The following MLKL variants were observed in gnomAD, a reference collection of about 807,000 sequenced individuals.
MLKL encodes the protein mixed lineage kinase domain-like protein.
In MLKL, 55 loss-of-function variants were observed where a neutral mutation model predicts 56.5. The observed-to-expected ratio is 0.97, with a 90% CI of 0.78 to 1.22. MLKL has a LOEUF of 1.22. MLKL is among the 50% of genes most tolerant of loss of function. The probability of loss-of-function intolerance (pLI) is 0.00; values close to 1 mark genes in which losing one functional copy is unlikely to be tolerated. For missense variants in MLKL, 694 were observed against 573.9 expected, an observed-to-expected ratio of 1.21 and a Z score of -2.14; for synonymous variants, 251 against 208.3, an observed-to-expected ratio of 1.20 and a Z score of -1.76.
rs369938423 is a variant in MLKL, at chr16:74,685,464, C to T, written c.820+22G>A. The T allele has an allele frequency of 1.9e-6, 3 of 1,590,262 alleles. No homozygotes were observed. In the African/African-American group the frequency reaches 4.0e-5, roughly 21 times the overall value. Reference sequence around the variant, plus strand: ...TGTTCTAGGCCATCCAAAGCTTGACCAATCCTAGAAGCATTCCTTACCTGT... The same window carrying T: ...TGTTCTAGGCCATCCAAAGCTTGACTAATCCTAGAAGCATTCCTTACCTGT... On this transcript the variant is annotated intron_variant, in intron 5 of 10. Coordinates refer to ENST00000308807, the MANE Select transcript of MLKL (RefSeq NM_152649.4).
At chr16:74,676,337 A>G (rs1024202513) in intron 7 of MLKL, 13 of 985,750 alleles carry the variant, frequency 1.3e-5, no homozygotes, top group Non-Finnish European at 1.6e-5. Context: ...CAATCATGAC[A>G]GCATATGTTC....
intron 5 of MLKL, 70 bp downstream of exon 5, chr16:74,685,416 A>C: frequency 9.0e-7 from 1 of 1,111,048 alleles, no homozygotes; most frequent in Non-Finnish European, 1.4e-6. Flanking sequence ...AAAAAAATGC[A>C]ACACATTAAA....
At chr16:74,686,629 A>C (rs765946826) in intron 4 of MLKL, among the ~76,000 whole-genome samples, 12 of 152,176 alleles carry the variant, frequency 7.9e-5, no homozygotes, top group Non-Finnish European at 1.2e-4. Flanking sequence ...TCTTATAACC[A>C]AAATTCCTTC....
At chr16:74,674,119 G>A (rs1959421521) in intron 10 of MLKL, among the ~76,000 whole-genome samples, 2 of 151,952 alleles carry the variant, frequency 1.3e-5, no homozygotes, top group Non-Finnish European at 2.9e-5. Flanking sequence ...TTTGTGTGGT[G>A]GGCTGTCCTA....
Position 74,672,372 on chromosome 16 carries a change from G to GT in MLKL, c.*131dup. ...GTATGACTGGAATCGTTTTCTATTT[G>GT]TAACAGAGAAGCGTGCCCACTCCTT... On this transcript the variant is annotated 3_prime_UTR_variant, in exon 11 of 11. Coordinates refer to ENST00000308807, the MANE Select transcript of MLKL (RefSeq NM_152649.4). 2 of 776,096 alleles carry GT rather than the reference G, an allele frequency of 2.6e-6. No individual in the cohort carries two copies. The highest frequency in any genetic ancestry group is 4.3e-6 in the Non-Finnish European group (2 of 460,542). 48.1% of individuals were successfully genotyped at this position (776,096 alleles called of 1,614,324 possible).
At chr16:74,700,256 G>A (rs748624636) in intron 1 of MLKL, among the ~76,000 whole-genome samples, 197 bp downstream of exon 1, 15 of 152,022 alleles carry the variant, frequency 9.9e-5, no homozygotes, top group Non-Finnish European at 1.8e-4. Flanking sequence ...GCTACTGGGC[G>A]TCTCGCTTTG....
intron 1 of MLKL, among the ~76,000 whole-genome samples, chr16:74,698,167 T>C (rs1396016969): frequency 6.6e-6 from 1 of 152,102 alleles, no homozygotes; most frequent in Non-Finnish European, 1.5e-5. Flanking sequence ...ATTGTGCCAC[T>C]GACTCCATTC....
In MLKL at chr16:74,674,999, A is replaced by C. The variant is rs1959495613; in HGVS notation, c.1342T>G (p.Cys448Gly). Residue 448 changes from cysteine (C) to glycine (G), a missense_variant, in exon 10 of 11, where the codon TGC (cysteine) becomes GGC (glycine). Physicochemically the swap from Cys to Gly is radical, Grantham distance 159. Transcript: ENST00000308807. The stretch of plus-strand genomic sequence containing the variant: ...CGCACAGAGGGATCATGGGCCCGGC[A>C]CTCATCAATGATCTCCCGCAGCTCT... ...PSELREIIDE[C>G]RAHDPSVRPS... 6.2e-7 allele frequency: 1 copy of C among 1,614,016 alleles called. No homozygotes were observed. The highest frequency in any genetic ancestry group is 8.5e-7 in the Non-Finnish European group (1 of 1,180,032).
At chr16:74,695,212 T>C in intron 2 of MLKL, 86 bp downstream of exon 2, 1 of 1,391,194 alleles carries the variant, frequency 7.2e-7, no homozygotes, top group Non-Finnish European at 9.9e-7. Context: ...TGCTCAAACT[T>C]CATCATTGCT....
chr16:74,686,354 A>G (rs964007432), intron 4 of MLKL, among the ~76,000 whole-genome samples: 1 of 152,202 alleles, frequency 6.6e-6, no homozygotes, highest in Non-Finnish European at 1.5e-5. Context: ...AGGCCGAGGC[A>G]GGTGGATCAC....
At chr16:74,691,639 G>A (rs1233492704) in intron 3 of MLKL, among the ~76,000 whole-genome samples, 176 bp from the exon 4 acceptor site, 1 of 152,184 alleles carries the variant, frequency 6.6e-6, no homozygotes, top group Non-Finnish European at 1.5e-5. Flanking sequence ...CCGTGCCTCT[G>A]AGTGACCAGT....
At position 74,700,593 on chromosome 16, in the gene MLKL, GC is replaced by G. The variant is rs1215254919; in HGVS notation, c.-144del. The G allele has an allele frequency of 6.6e-6, 1 of 152,646 alleles. No individual in the cohort carries two copies. Among genetic ancestry groups the G allele is most frequent in the Non-Finnish European group, 1.5e-5 (1 of 68,406 alleles). 9.5% of individuals were successfully genotyped at this position (152,646 alleles called of 1,614,324 possible). On this transcript the variant is annotated 5_prime_UTR_variant, in exon 1 of 11. Coordinates refer to ENST00000308807, the MANE Select transcript of MLKL (RefSeq NM_152649.4). ...GCGAGGCCCGCGGGAGTTCCCCTGCGCCCCCTTTCCTGGTGCCCGCACCCTG... is the reference window on the plus strand; with the variant it reads ...GCGAGGCCCGCGGGAGTTCCCCTGCGCCCCTTTCCTGGTGCCCGCACCCTG...
chr16:74,679,744 G>A lies in MLKL; in HGVS notation c.957-764C>T, dbSNP rs1215498227. ...GCATGAGAATCACTTGCACCCAGGA[G>A]GTGGAGTTTGCAGTGAGCCGAGATC... On this transcript the variant is annotated intron_variant, in intron 6 of 10. Transcript: ENST00000308807. Among the ~76,000 whole-genome samples the A allele has an allele frequency of 3.9e-5, 6 of 152,228 alleles. No homozygotes were observed. In the East Asian group the frequency reaches 1.2e-3, roughly 29 times the overall value.
intron 1 of MLKL, among the ~76,000 whole-genome samples, chr16:74,698,305 T>C (rs1961172703): frequency 6.6e-6 from 1 of 152,186 alleles, no homozygotes; most frequent in African/African-American, 2.4e-5. Flanking sequence ...GGTTAAGTAT[T>C]ATCGCCAGTT....
In MLKL at chr16:74,695,640, T is replaced by G; in HGVS notation, c.118A>C (p.Lys40Gln). 6.2e-7 allele frequency: 1 copy of G among 1,614,166 alleles called. No individual in the cohort carries two copies. The highest frequency in any genetic ancestry group is 8.5e-7 in the Non-Finnish European group (1 of 1,180,034). ...RLGHRVLGLI[K>Q]PLEMLQDQGK... Reference sequence around the variant, plus strand: ...TGGTCCTGGAGCATCTCCAGAGGCTTGATCAGGCCGAGGACGCGGTGGCCC... The same window carrying G: ...TGGTCCTGGAGCATCTCCAGAGGCTGGATCAGGCCGAGGACGCGGTGGCCC... The change falls in exon 2 of 11, where the codon AAG becomes CAG. Residue 40 changes from lysine (K) to glutamine (Q), a missense_variant. Lys to Gln is a moderately conservative substitution (Grantham distance 53). Transcript: ENST00000308807.
At position 74,695,409 on chromosome 16, in the gene MLKL, G is replaced by A; in HGVS notation, c.349C>T (p.Gln117Ter). 1 of 1,614,244 alleles carries A rather than the reference G, an allele frequency of 6.2e-7. No individual in the cohort carries two copies. Among genetic ancestry groups the A allele is most frequent in the Non-Finnish European group, 8.5e-7 (1 of 1,180,052 alleles). ...GAAACAGGCATGCGTTGCTCAACCT[G>A]AAGTAACAGCGAGAGCTCCTTCCAG... The part of the protein sequence containing the change: ...DVWKELSLLL[Q>*]VEQRMPVSPI... The change falls in exon 2 of 11, where the codon CAG becomes TAG. Residue 117 changes from glutamine (Q) to a stop codon, truncating the protein, a stop_gained. Coordinates refer to ENST00000308807, the MANE Select transcript of MLKL (RefSeq NM_152649.4). LOFTEE classifies it high-confidence loss of function.
chr16:74,674,878 C>T (rs1597477726), intron 10 of MLKL, 82 bp downstream of exon 10: 1 of 1,532,640 alleles, frequency 6.5e-7, no homozygotes, highest in Non-Finnish European at 8.9e-7. Flanking sequence ...AAACTACTGC[C>T]TTGGAGCTGG....
intron 5 of MLKL, among the ~76,000 whole-genome samples, chr16:74,685,028 C>A (rs951829149): frequency 1.8e-4 from 27 of 152,086 alleles, no homozygotes; most frequent in Admixed American, 1.7e-3. Flanking sequence ...CCAGACCCAG[C>A]TAATTTTTGT....
At position 74,672,312 on chromosome 16, in the gene MLKL, T is replaced by C. The variant is rs1344605816; in HGVS notation, c.*192A>G. ...TATCAAAGTTACTGTCAGAGGTATG[T>C]TTTTGGAAATATCATTTGGAGTGGG... On this transcript the variant is annotated 3_prime_UTR_variant, in exon 11 of 11. Transcript: ENST00000308807. 5.6e-6 allele frequency: 3 copies of C among 531,040 alleles called. No homozygotes were observed. Among genetic ancestry groups the C allele is most frequent in the Non-Finnish European group, 1.0e-5 (3 of 293,324 alleles). The allele number at this position is 531,040 out of a possible 1,614,324, so 32.9% of individuals were successfully genotyped here.
Sources: gnomAD v4.1 joint callset for allele counts (sites outside exome capture counted in the v4.1 genomes callset) on GRCh38, gnomAD v4.1.1 for gene constraint, MANE v1.5 for transcripts, NCBI Gene and HGNC (gene_info 2026-07-23, HGNC 2026-07-21) for gene names.